THSD7A: variants seen among roughly 807,000 people sequenced by gnomAD.
THSD7A encodes thrombospondin type 1 domain containing 7A.
A neutral mutation model predicts 231.3 loss-of-function variants in THSD7A; 96 were observed. The observed-to-expected ratio is 0.41, with a 90% CI of 0.35 to 0.49. THSD7A has a LOEUF of 0.49. Ranked by LOEUF, THSD7A falls within the 20% of genes least tolerant of loss-of-function variation. THSD7A has a pLI of 0.05. For missense variants in THSD7A, 2,290 were observed against 2,070.2 expected (o/e 1.11, Z -2.06); for synonymous variants, 940 against 743.3 (o/e 1.26, Z -4.30).
intron 3 of THSD7A, among the ~76,000 whole-genome samples, chr7:11,592,309 T>A (rs551332769): frequency 6.6e-6 from 1 of 152,310 alleles, no homozygotes; most frequent in East Asian, 1.9e-4. Context: ...GTAATTTGCC[T>A]CCCCACTGGT....
intron 6 of THSD7A, among the ~76,000 whole-genome samples, chr7:11,526,506 G>C (rs183521797): frequency 1.8e-4 from 27 of 152,252 alleles, no homozygotes; most frequent in Non-Finnish European, 3.8e-4. Flanking sequence ...ACTAAATAGT[G>C]CATACTTAAT....
At chr7:11,625,845 G>A (rs940608432) in intron 2 of THSD7A, among the ~76,000 whole-genome samples, 1 of 152,052 alleles carries the variant, frequency 6.6e-6, no homozygotes, top group African/African-American at 2.4e-5. Context: ...CATCAAGCCA[G>A]TAGAATTCCA....
At chr7:11,670,934 TG>T (rs1783362622) in intron 1 of THSD7A, among the ~76,000 whole-genome samples, 1 of 152,166 alleles carries the variant, frequency 6.6e-6, no homozygotes, top group Non-Finnish European at 1.5e-5. Flanking sequence ...GCACAGCAAC[TG>T]GTCTTAAATG....
chr7:11,675,124 G>C lies in THSD7A; in HGVS notation c.191-38163C>G, dbSNP rs564193900. Among the ~76,000 whole-genome samples, 3 of 152,188 alleles carry C rather than the reference G, an allele frequency of 2.0e-5. No individual in the cohort carries two copies. In the South Asian group the frequency reaches 6.2e-4, roughly 32 times the overall value. On this transcript the variant is annotated intron_variant, in intron 1 of 27. Transcript: ENST00000423059. Reference sequence around the variant, plus strand: ...GGGTGCAGCCCATGGAGGGCAAGCAGAAGCAGGTGGGGTGTTGCCTCACCC... The same window carrying C: ...GGGTGCAGCCCATGGAGGGCAAGCACAAGCAGGTGGGGTGTTGCCTCACCC...
chr7:11,399,288 A>C (rs998253914), intron 23 of THSD7A, among the ~76,000 whole-genome samples: 2 of 152,154 alleles, frequency 1.3e-5, no homozygotes, highest in Non-Finnish European at 2.9e-5. Context: ...AATTATCTTG[A>C]CATTTTTACT....
At position 11,389,786 on chromosome 7, in the gene THSD7A, G is replaced by C. The variant is rs1024124475; in HGVS notation, c.4412-7170C>G. Among the ~76,000 whole-genome samples, 107 of 152,084 alleles carry C rather than the reference G, an allele frequency of 7.0e-4. 2 individuals carry two copies. Among genetic ancestry groups the C allele is most frequent in the Middle Eastern group, 3.4e-3 (1 of 294 alleles). ...TTTCCATGTTCAGTGCTTCCTTCAG[G>C]AGCTCTGGTAAGGCAGGCCTGGTGG... On this transcript the variant is annotated intron_variant, in intron 23 of 27. Coordinates refer to ENST00000423059, the MANE Select transcript of THSD7A (RefSeq NM_015204.3).
intron 7 of THSD7A, among the ~76,000 whole-genome samples, chr7:11,475,223 T>C (rs1178985182): frequency 1.3e-5 from 2 of 152,142 alleles, no homozygotes. Context: ...ATTATACTTT[T>C]AAGGTGCTTC....
At chr7:11,611,819 C>CT (rs1780934571) in intron 2 of THSD7A, among the ~76,000 whole-genome samples, 1 of 130,228 alleles carries the variant, frequency 7.7e-6, no homozygotes, top group East Asian at 2.1e-4. Context: ...CACACACACA[C>CT]ACACACACAC....
intron 6 of THSD7A, among the ~76,000 whole-genome samples, chr7:11,505,150 G>T (rs1787492398): frequency 6.6e-6 from 1 of 152,012 alleles, no homozygotes; most frequent in South Asian, 2.1e-4. Context: ...TTTAGAGGAT[G>T]AAAAAACTAA....
At chr7:11,427,290 T>C (rs1049352701) in intron 14 of THSD7A, among the ~76,000 whole-genome samples, 6 of 152,224 alleles carry the variant, frequency 3.9e-5, no homozygotes, top group African/African-American at 1.4e-4. Flanking sequence ...CACAAATTCA[T>C]AGAAGTTTCT....
At chr7:11,692,413 T>C (rs1030684725) in intron 1 of THSD7A, among the ~76,000 whole-genome samples, 9 of 151,512 alleles carry the variant, frequency 5.9e-5, no homozygotes, top group East Asian at 3.9e-4. Flanking sequence ...CACTGAAAAA[T>C]AGGACAGCTT....
At chr7:11,624,904 A>T (rs1159194433) in intron 2 of THSD7A, among the ~76,000 whole-genome samples, 1 of 152,082 alleles carries the variant, frequency 6.6e-6, no homozygotes, top group African/African-American at 2.4e-5. Flanking sequence ...TTTGTATTTA[A>T]TTTTATTATA....
chr7:11,811,672 T>C (rs1162036753), intron 1 of THSD7A, among the ~76,000 whole-genome samples: 2 of 152,192 alleles, frequency 1.3e-5, no homozygotes, highest in African/African-American at 4.8e-5. Flanking sequence ...TGAATATATT[T>C]ATACTAGTTC....
chr7:11,525,154 A>G (rs907537926), intron 6 of THSD7A, among the ~76,000 whole-genome samples: 1 of 152,180 alleles, frequency 6.6e-6, no homozygotes, highest in African/African-American at 2.4e-5. Context: ...TACACTGAGA[A>G]CAAAGGTGAA....
At chr7:11,463,171 C>A (rs1583788364) in intron 9 of THSD7A, among the ~76,000 whole-genome samples, 1 of 152,114 alleles carries the variant, frequency 6.6e-6, no homozygotes, top group Non-Finnish European at 1.5e-5. Flanking sequence ...CAAATGAAAC[C>A]TTTTTAAAAG....
chr7:11,587,729 C>T (rs1779972451), intron 4 of THSD7A, among the ~76,000 whole-genome samples: 1 of 152,054 alleles, frequency 6.6e-6, no homozygotes. Context: ...CAGAATATAC[C>T]AATGAGTAAA....
chr7:11,712,026 A>C (rs569394910), intron 1 of THSD7A, among the ~76,000 whole-genome samples: 1 of 151,236 alleles, frequency 6.6e-6, no homozygotes, highest in Admixed American at 6.6e-5. Context: ...CCTCCCAGCT[A>C]AGAAGTCATC....
chr7:11,491,812 A>C (rs1786904499), intron 6 of THSD7A, among the ~76,000 whole-genome samples: 3 of 149,898 alleles, frequency 2.0e-5, no homozygotes, highest in Admixed American at 2.0e-4. Flanking sequence ...TTTGCCCTCC[A>C]TCACACTAAG....
chr7:11,397,840 C>T (rs1783248418), intron 23 of THSD7A, among the ~76,000 whole-genome samples: 1 of 152,086 alleles, frequency 6.6e-6, no homozygotes, highest in Non-Finnish European at 1.5e-5. Context: ...CAAATCAAAA[C>T]CACAATGAGA....
Sources: gnomAD v4.1 joint callset for allele counts (sites outside exome capture counted in the v4.1 genomes callset) on GRCh38, gnomAD v4.1.1 for gene constraint, MANE v1.5 for transcripts, NCBI Gene and HGNC (gene_info 2026-07-23, HGNC 2026-07-21) for gene names.